Variants in GNPTAB observed in about 807,000 individuals in gnomAD.
The protein encoded by GNPTAB is N-acetylglucosamine-1-phosphotransferase subunits alpha/beta.
Under a neutral mutation model 136.6 loss-of-function variants are expected in GNPTAB, and 92 were observed. That is an observed-to-expected ratio of 0.67 (90% confidence interval 0.57 to 0.80). GNPTAB has a LOEUF of 0.80. Among genes scored for constraint, GNPTAB ranks in the 30% least tolerant of loss-of-function variants. GNPTAB has a pLI of 0.00. For synonymous variants in GNPTAB, 512 were observed against 535.1 expected (o/e 0.96, Z 0.60); for missense variants, 1,343 against 1,501.8 (o/e 0.89, Z 1.75).
chr12:101,790,471 G>A lies in GNPTAB; in HGVS notation c.204-414C>T, dbSNP rs74851172. 9.5e-3 allele frequency among the ~76,000 whole-genome samples: 1,454 copies of A among 152,260 alleles called. 26 individuals are homozygous for A. The highest frequency in any genetic ancestry group is 0.033 in the African/African-American group (1,376 of 41,556). Reference sequence around the variant, plus strand: ...ATAGAAAATAAATTAGAAGTTTAAAGAACAAAATTACAGGCTCTGCACAGT... The same window carrying A: ...ATAGAAAATAAATTAGAAGTTTAAAAAACAAAATTACAGGCTCTGCACAGT... On this transcript the variant is annotated intron_variant, in intron 2 of 20. Transcript: ENST00000299314.
intron 20 of GNPTAB, 127 bp downstream of exon 20, chr12:101,748,974 T>C: frequency 1.5e-6 from 1 of 670,986 alleles, no homozygotes; most frequent in Non-Finnish European, 2.7e-6. Flanking sequence ...CATATTCACA[T>C]ATGAGCTATA....
At chr12:101,767,804 G>A in intron 11 of GNPTAB, 1 of 622,718 alleles carries the variant, frequency 1.6e-6, no homozygotes, top group Non-Finnish European at 2.8e-6. Flanking sequence ...TTTTGATAGA[G>A]ATGGGGTCTT....
intron 7 of GNPTAB, 188 bp downstream of exon 7, chr12:101,779,964 C>A: frequency 1.6e-6 from 1 of 637,968 alleles, no homozygotes; most frequent in Non-Finnish European, 2.8e-6. Context: ...ACAAGCAAAC[C>A]AAATAAGACT....
chr12:101,772,452 T>C (rs1953190642), intron 7 of GNPTAB, among the ~76,000 whole-genome samples: 1 of 152,254 alleles, frequency 6.6e-6, no homozygotes, highest in African/African-American at 2.4e-5. Context: ...ATTTCATTTA[T>C]ATCTTTTCCC....
intron 19 of GNPTAB, among the ~76,000 whole-genome samples, chr12:101,750,944 G>A (rs907390050): frequency 6.6e-5 from 10 of 152,114 alleles, no homozygotes; most frequent in Non-Finnish European, 1.2e-4. Flanking sequence ...TCTAGGACTA[G>A]TGAAATGCTT....
chr12:101,757,215 G>C lies in GNPTAB; in HGVS notation c.3431C>G (p.Pro1144Arg), dbSNP rs577796531. 31 of 1,519,150 alleles carry C rather than the reference G, an allele frequency of 2.0e-5. No individual in the cohort carries two copies. The South Asian group carries it at 2.9e-4, about 14-fold the overall frequency. The allele number at this position is 1,519,150 out of a possible 1,614,324, so 94.1% of individuals were successfully genotyped here. A position where few individuals can be genotyped will look rare whatever the true frequency, so the allele number is the denominator to read the frequency against. ...AATTATATATAAAAATCAGTACCTAGGGTTTTTTCTTATGTCATCCAACTG... is the reference window on the plus strand; with the variant it reads ...AATTATATATAAAAATCAGTACCTACGGTTTTTTCTTATGTCATCCAACTG... ...VGQLDDIRKN[P>R]RKFVCLNDNI... The change falls in exon 18 of 21, where the codon CCT becomes CGT. Residue 1144 changes from proline to arginine, a missense_variant. Pro to Arg is a moderately radical substitution (Grantham distance 103). Transcript: ENST00000299314.
At chr12:101,830,531 C>A in intron 1 of GNPTAB, 28 bp downstream of exon 1, 5 of 1,373,778 alleles carry the variant, frequency 3.6e-6, no homozygotes, top group Non-Finnish European at 5.2e-6. Context: ...TCGAGGCGCC[C>A]GGTCCAGGCT....
chr12:101,769,673 G>T (rs1953141834), intron 10 of GNPTAB, among the ~76,000 whole-genome samples: 1 of 152,036 alleles, frequency 6.6e-6, no homozygotes, highest in Non-Finnish European at 1.5e-5. Context: ...ACAGCTCACT[G>T]CAGCCTCAAC....
chr12:101,792,648 C>T (rs1869056641), intron 2 of GNPTAB, among the ~76,000 whole-genome samples: 1 of 152,144 alleles, frequency 6.6e-6, no homozygotes, highest in Non-Finnish European at 1.5e-5. Flanking sequence ...CCTCCCTTCC[C>T]TCACCTCTCA....
intron 1 of GNPTAB, among the ~76,000 whole-genome samples, chr12:101,810,088 A>G (rs77706270): frequency 0.012 from 1,764 of 147,382 alleles, 21 homozygotes; most frequent in Non-Finnish European, 0.014. Flanking sequence ...ATATAGTGAG[A>G]CCCAGTCTCT....
chr12:101,757,146 C>T, intron 18 of GNPTAB, 66 bp downstream of exon 18: 1 of 871,096 alleles, frequency 1.1e-6, no homozygotes. Flanking sequence ...TAAGCTACTC[C>T]CTTCTTTCCA....
chr12:101,821,057 CAAAA>C (rs57630700), intron 1 of GNPTAB, among the ~76,000 whole-genome samples: 1 of 28,684 alleles, frequency 3.5e-5, no homozygotes, highest in South Asian at 1.4e-3. Context: ...GACTCCGTCT[CAAAA>C]AAAAAAAAAA....
At chr12:101,777,910 A>C (rs1953282846) in intron 7 of GNPTAB, among the ~76,000 whole-genome samples, 1 of 152,184 alleles carries the variant, frequency 6.6e-6, no homozygotes, top group South Asian at 2.1e-4. Flanking sequence ...TATGAAAACA[A>C]CCTTCAAAGA....
chr12:101,757,444 T>C, intron 17 of GNPTAB, 128 bp downstream of exon 17: 1 of 760,074 alleles, frequency 1.3e-6, no homozygotes, highest in Admixed American at 2.2e-5. Context: ...TTAATACTAC[T>C]ACAGCAAACA....
intron 1 of GNPTAB, among the ~76,000 whole-genome samples, chr12:101,821,019 C>T (rs527304649): frequency 1.4e-5 from 2 of 145,642 alleles, no homozygotes; most frequent in Non-Finnish European, 3.0e-5. Flanking sequence ...ATAGTGGCCA[C>T]TGCACTCCAG....
At chr12:101,830,519 G>A (rs1320086844) in intron 1 of GNPTAB, 40 bp downstream of exon 1, 1 of 1,184,602 alleles carries the variant, frequency 8.4e-7, no homozygotes, top group East Asian at 2.4e-5. Flanking sequence ...GGCAGTGCAG[G>A]GTCGAGGCGC....
chr12:101,783,942 T>A (rs1160700394), intron 5 of GNPTAB, among the ~76,000 whole-genome samples: 1 of 151,954 alleles, frequency 6.6e-6, no homozygotes, highest in Non-Finnish European at 1.5e-5. Flanking sequence ...GGTTTTGAAC[T>A]CCTGAGCTCA....
intron 4 of GNPTAB, 109 bp downstream of exon 4, chr12:101,788,439 T>C: frequency 1.3e-6 from 1 of 766,794 alleles, no homozygotes; most frequent in South Asian, 1.4e-5. Context: ...TCAAAAACTA[T>C]ATGGATAATA....
intron 1 of GNPTAB, among the ~76,000 whole-genome samples, chr12:101,812,566 G>A (rs894883620): frequency 6.6e-6 from 1 of 151,754 alleles, no homozygotes; most frequent in Non-Finnish European, 1.5e-5. Flanking sequence ...GACCAGCTTG[G>A]GCAACATGGT....
Sources: gnomAD v4.1 joint callset for allele counts (sites outside exome capture counted in the v4.1 genomes callset) on GRCh38, gnomAD v4.1.1 for gene constraint, MANE v1.5 for transcripts, NCBI Gene and HGNC (gene_info 2026-07-23, HGNC 2026-07-21) for gene names.